Variants in GLRX5 observed in about 807,000 individuals in gnomAD.
GLRX5 encodes the protein glutaredoxin 5, also known as glutaredoxin-related protein 5, mitochondrial.
In GLRX5, 10 loss-of-function variants were observed where a neutral mutation model predicts 13.8. The observed-to-expected ratio is 0.72, with a 90% CI of 0.45 to 1.23. The LOEUF (loss-of-function observed/expected upper bound fraction) is 1.23, where lower values mean the gene tolerates loss of function less well. Among genes scored for constraint, GLRX5 ranks in the 50% most tolerant of loss-of-function variants. GLRX5 has a pLI of 0.00. For missense variants in GLRX5, 233 were observed against 215.2 expected, an observed-to-expected ratio of 1.08 and a Z score of -0.52; for synonymous variants, 98 against 101.1, an observed-to-expected ratio of 0.97 and a Z score of 0.18.
At chr14:95,543,220 T>C in intron 1 of GLRX5, 1 of 455,928 alleles carries the variant, frequency 2.2e-6, no homozygotes, top group Non-Finnish European at 4.4e-6. Flanking sequence ...CTTCGGGTTC[T>C]GCACAGAGCC....
At chr14:95,541,207 C>T (rs965286293) in intron 1 of GLRX5, among the ~76,000 whole-genome samples, 2 of 152,220 alleles carry the variant, frequency 1.3e-5, no homozygotes, top group Non-Finnish European at 2.9e-5. Flanking sequence ...ACTACCACTG[C>T]ATATTGCAGT....
rs1891438678 is a variant in GLRX5 at position 95,539,659 on chromosome 14, G to A, written c.295+4275G>A. Among the ~76,000 whole-genome samples, 3 of 152,074 alleles carry A rather than the reference G, an allele frequency of 2.0e-5. No individual in the cohort carries two copies. The South Asian group carries it at 6.2e-4, about 32-fold the overall frequency. ...TCAGGTAGCATGTGGTTAAGAGTCT[G>A]GGCTTTTGTACTCCTGGAAGCCTGG... On this transcript the variant is annotated intron_variant, in intron 1 of 1. Transcript: ENST00000331334.
In GLRX5 at chr14:95,544,347, T is replaced by C. The variant is rs148638258; in HGVS notation, c.*222T>C. Reference sequence around the variant, plus strand: ...CCACTGCACTGTAATGATTCAATGCTGTATTATGATATTGCTGTAAACAAA... The same window carrying C: ...CCACTGCACTGTAATGATTCAATGCCGTATTATGATATTGCTGTAAACAAA... On this transcript the variant is annotated 3_prime_UTR_variant, in exon 2 of 2. Transcript: ENST00000331334. The C allele has an allele frequency of 5.5e-5, 32 of 576,768 alleles. No homozygotes were observed. The African/African-American group carries it at 5.8e-4, about 10-fold the overall frequency. 35.7% of individuals were successfully genotyped at this position (576,768 alleles called of 1,614,324 possible).
intron 1 of GLRX5, among the ~76,000 whole-genome samples, chr14:95,535,974 C>T (rs1336209267): frequency 6.6e-6 from 1 of 152,202 alleles, no homozygotes; most frequent in African/African-American, 2.4e-5. Flanking sequence ...GTTGGGACAG[C>T]TGTCGGCTGA....
Position 95,544,404 on chromosome 14 carries a change from C to T in GLRX5, c.*279C>T, listed in dbSNP as rs1315253889. ...TCTTATATTGTCACTTATTCTTTGCCTGATTCAGAAGTTAAATAGGAGCTT... is the reference window on the plus strand; with the variant it reads ...TCTTATATTGTCACTTATTCTTTGCTTGATTCAGAAGTTAAATAGGAGCTT... On this transcript the variant is annotated 3_prime_UTR_variant, in exon 2 of 2. Transcript: ENST00000331334. 2 of 421,286 alleles carry T rather than the reference C, an allele frequency of 4.7e-6. No individual in the cohort carries two copies. The highest frequency in any genetic ancestry group is 8.7e-6 in the Non-Finnish European group (2 of 230,472). The allele number at this position is 421,286 out of a possible 1,614,324, so 26.1% of individuals were successfully genotyped here. A position where few individuals can be genotyped will look rare whatever the true frequency, so the allele number is the denominator to read the frequency against.
intron 1 of GLRX5, 47 bp downstream of exon 1, chr14:95,535,431 G>A (rs1434679801): frequency 1.3e-6 from 2 of 1,513,646 alleles, no homozygotes; most frequent in Non-Finnish European, 8.9e-7. Flanking sequence ...GGGCCCAGGA[G>A]CATCGCTGCA....
At chr14:95,543,704 A>G (rs1891510710) in intron 1 of GLRX5, 1 of 532,584 alleles carries the variant, frequency 1.9e-6, no homozygotes, top group East Asian at 3.3e-5. Context: ...TGGAAACAGG[A>G]TGAGAGGTCA....
chr14:95,542,951 C>A (rs1362880236), intron 1 of GLRX5: 1 of 437,074 alleles, frequency 2.3e-6, no homozygotes, highest in Non-Finnish European at 4.7e-6. Context: ...AGCCACATTT[C>A]TTTCTTACCA....
Position 95,544,074 on chromosome 14 carries a change from G to A in GLRX5, c.423G>A (p.Leu141=). ...ACTTGGTGGAAGAACTGAAAAAGCT[G>A]GGGATCCACTCCGCCCTTTTAGATG... ...NGDLVEELKK[L]GIHSALLDEK... Residue 141 remains leucine, a synonymous_variant, in exon 2 of 2, where the codon CTG becomes CTA. Coordinates refer to ENST00000331334, the MANE Select transcript of GLRX5 (RefSeq NM_016417.3). The A allele has an allele frequency of 6.2e-7, 1 of 1,614,122 alleles. No individual in the cohort carries two copies. Among genetic ancestry groups the A allele is most frequent in the Non-Finnish European group, 8.5e-7 (1 of 1,179,990 alleles).
intron 1 of GLRX5, among the ~76,000 whole-genome samples, chr14:95,536,496 A>C (rs1054175571): frequency 6.6e-6 from 1 of 152,202 alleles, no homozygotes; most frequent in Admixed American, 6.5e-5. Context: ...CGAAATTACT[A>C]ATCATAGTCA....
In GLRX5 at chr14:95,535,070, G is replaced by T; in HGVS notation, c.-20G>T. The T allele has an allele frequency of 3.0e-6, 4 of 1,336,980 alleles. No individual in the cohort carries two copies. Among genetic ancestry groups the T allele is most frequent in the Admixed American group, 5.6e-5 (2 of 35,788 alleles). 82.8% of individuals were successfully genotyped at this position (1,336,980 alleles called of 1,614,324 possible). A position where few individuals can be genotyped will look rare whatever the true frequency, so the allele number is the denominator to read the frequency against. The stretch of plus-strand genomic sequence containing the variant: ...CAGCTGTGGGCCCGGGCCGTCGTGG[G>T]CTCCGGCTTGCGTGCGGAGATGAGC... On this transcript the variant is annotated 5_prime_UTR_variant, in exon 1 of 2. Transcript: ENST00000331334.
At chr14:95,540,664 G>T (rs557270042) in intron 1 of GLRX5, among the ~76,000 whole-genome samples, 1 of 152,302 alleles carries the variant, frequency 6.6e-6, no homozygotes, top group East Asian at 1.9e-4. Flanking sequence ...ACTCTCAGAG[G>T]TGGTGTAACT....
intron 1 of GLRX5, among the ~76,000 whole-genome samples, chr14:95,536,822 A>G (rs957569144): frequency 3.9e-5 from 6 of 152,272 alleles, no homozygotes; most frequent in Middle Eastern, 3.4e-3. Context: ...TGTAGGTGAT[A>G]GTGGTGGTGG....
At chr14:95,535,709 G>A (rs1891363084) in intron 1 of GLRX5, among the ~76,000 whole-genome samples, 1 of 152,150 alleles carries the variant, frequency 6.6e-6, no homozygotes. Flanking sequence ...CTGACTCGGA[G>A]GAGGGTGGCC....
intron 1 of GLRX5, among the ~76,000 whole-genome samples, chr14:95,539,522 T>C (rs1891436657): frequency 6.6e-6 from 1 of 152,224 alleles, no homozygotes; most frequent in South Asian, 2.1e-4. Flanking sequence ...TATGTAAATG[T>C]TAAAGGCATA....
rs753486590 is a variant in GLRX5 at position 95,535,190 on chromosome 14, C to T, written c.101C>T (p.Ser34Leu). ...GGTCCGGGCGTGCGGGCGGCGGGCT[C>T]GGGCGCGGGCGGCGGCGGCTCGGCG... Reference protein sequence around the residue: ...LWGPGVRAAGSGAGGGGSAEQ... With the variant: ...LWGPGVRAAGLGAGGGGSAEQ... Residue 34 changes from serine to leucine, a missense_variant, in exon 1 of 2, where the codon TCG (serine) becomes TTG (leucine). Coordinates refer to ENST00000331334, the MANE Select transcript of GLRX5 (RefSeq NM_016417.3). 8.7e-6 allele frequency: 13 copies of T among 1,494,588 alleles called. No homozygotes were observed. In the South Asian group the frequency reaches 1.3e-4, roughly 15 times the overall value. 92.6% of individuals were successfully genotyped at this position (1,494,588 alleles called of 1,614,324 possible).
chr14:95,535,262 T>C lies in GLRX5; in HGVS notation c.173T>C (p.Leu58Pro). 1 of 1,571,756 alleles carries C rather than the reference T, an allele frequency of 6.4e-7. No individual in the cohort carries two copies. Residue 58 changes from leucine (L) to proline (P), a missense_variant, in exon 1 of 2, where the codon CTC becomes CCC. By Grantham distance (98) the Leu-to-Pro change is moderately conservative. Coordinates refer to ENST00000331334, the MANE Select transcript of GLRX5 (RefSeq NM_016417.3). ...LVKKDKVVVFLKGTPEQPQCG... is the reference protein window; with the variant it reads ...LVKKDKVVVFPKGTPEQPQCG... ...AAGAAGGACAAGGTGGTGGTCTTCCTCAAGGGGACGCCGGAGCAGCCCCAG... is the reference window on the plus strand; with the variant it reads ...AAGAAGGACAAGGTGGTGGTCTTCCCCAAGGGGACGCCGGAGCAGCCCCAG...
In GLRX5 at chr14:95,535,195, G is replaced by T; in HGVS notation, c.106G>T (p.Ala36Ser). Residue 36 changes from alanine to serine, a missense_variant, in exon 1 of 2, where the codon GCG becomes TCG. Transcript: ENST00000331334. ...GGGCGTGCGGGCGGCGGGCTCGGGC[G>T]CGGGCGGCGGCGGCTCGGCGGAGCA... The part of the protein sequence containing the change: ...GPGVRAAGSG[A>S]GGGGSAEQLD... 2 of 1,502,268 alleles carry T rather than the reference G, an allele frequency of 1.3e-6. No individual in the cohort carries two copies. Among genetic ancestry groups the T allele is most frequent in the Non-Finnish European group, 1.8e-6 (2 of 1,124,698 alleles). 93.1% of individuals were successfully genotyped at this position (1,502,268 alleles called of 1,614,324 possible). A position where few individuals can be genotyped will look rare whatever the true frequency, so the allele number is the denominator to read the frequency against.
intron 1 of GLRX5, among the ~76,000 whole-genome samples, chr14:95,536,941 G>A (rs1294844232): frequency 1.3e-5 from 2 of 152,106 alleles, no homozygotes; most frequent in Non-Finnish European, 2.9e-5. Flanking sequence ...TGTCTTCCTT[G>A]TCAACTAGTA....
Sources: gnomAD v4.1 joint callset for allele counts (sites outside exome capture counted in the v4.1 genomes callset) on GRCh38, gnomAD v4.1.1 for gene constraint, MANE v1.5 for transcripts, NCBI Gene and HGNC (gene_info 2026-07-23, HGNC 2026-07-21) for gene names.